Variants in AEBP2 observed in about 807,000 individuals in gnomAD.
AEBP2 encodes the protein AE binding protein 2, also known as zinc finger protein AEBP2.
Under a neutral mutation model 50.8 loss-of-function variants are expected in AEBP2, and 10 were observed. The ratio of observed to expected loss-of-function variants is 0.20; its 90% CI spans 0.12 to 0.33. The LOEUF (loss-of-function observed/expected upper bound fraction) is 0.33, where lower values mean the gene tolerates loss of function less well. Among genes scored for constraint, AEBP2 ranks in the 10% least tolerant of loss-of-function variants. The pLI is 1.00. For missense variants in AEBP2, 570 were observed against 688.0 expected, an observed-to-expected ratio of 0.83 and a Z score of 1.92; for synonymous variants, 296 against 261.3, an observed-to-expected ratio of 1.13 and a Z score of -1.28.
chr12:19,441,212 T>C (rs12229294), intron 1 of AEBP2, among the ~76,000 whole-genome samples: 3,402 of 152,178 alleles, frequency 0.022, 48 homozygotes, highest in East Asian at 0.042. Context: ...AAGGAATGAG[T>C]ATTATTTTTC....
intron 1 of AEBP2, among the ~76,000 whole-genome samples, chr12:19,452,248 C>T (rs1466659683): frequency 1.3e-5 from 2 of 152,194 alleles, no homozygotes; most frequent in African/African-American, 2.4e-5. Flanking sequence ...CTGCCTCGAC[C>T]TCCCAAAGTG....
chr12:19,434,310 G>A (rs545205093), intron 1 of AEBP2, among the ~76,000 whole-genome samples: 144 of 151,794 alleles, frequency 9.5e-4, no homozygotes, highest in Middle Eastern at 3.4e-3. Context: ...AGTAGCTGGG[G>A]TTACAGGCAT....
intron 3 of AEBP2, among the ~76,000 whole-genome samples, chr12:19,480,019 CTTG>C (rs1288087907): frequency 6.6e-6 from 1 of 151,680 alleles, no homozygotes; most frequent in African/African-American, 2.4e-5. Context: ...ATTCATCATG[CTTG>C]TTGTTGCCTT....
At position 19,519,951 on chromosome 12, in the gene AEBP2, AAAG is replaced by A. The variant is rs1189709307; in HGVS notation, c.*1837_*1839del. The A allele has an allele frequency of 3.3e-5, 5 of 152,646 alleles. No individual in the cohort carries two copies. In the East Asian group the frequency reaches 9.6e-4, roughly 29 times the overall value. 9.5% of individuals were successfully genotyped at this position (152,646 alleles called of 1,614,324 possible). On this transcript the variant is annotated 3_prime_UTR_variant, in exon 8 of 8. Transcript: ENST00000266508. ...TATAGCAATGTGATTTTATTTTTAAAAAGAAAAGCAGTGTGTTTTCTTTTTTTG... is the reference window on the plus strand; with the variant it reads ...TATAGCAATGTGATTTTATTTTTAAAAAAAGCAGTGTGTTTTCTTTTTTTG...
chr12:19,457,690 C>A, intron 1 of AEBP2: 1 of 1,194,584 alleles, frequency 8.4e-7, no homozygotes. Context: ...TGTGTTCTGG[C>A]GGCAAACCCA....
intron 1 of AEBP2, chr12:19,456,896 A>G: frequency 6.8e-7 from 1 of 1,463,174 alleles, no homozygotes; most frequent in Non-Finnish European, 9.6e-7. Flanking sequence ...AGAGGCAGGC[A>G]AAGGGGCTTG....
At chr12:19,451,108 A>G (rs1948159944) in intron 1 of AEBP2, among the ~76,000 whole-genome samples, 1 of 152,240 alleles carries the variant, frequency 6.6e-6, no homozygotes, top group South Asian at 2.1e-4. Flanking sequence ...GTTAATACAC[A>G]TCAAACATTG....
intron 1 of AEBP2, among the ~76,000 whole-genome samples, chr12:19,421,344 C>CAAAAAAAAAAAAA (rs375160231): frequency 1.2e-5 from 1 of 82,456 alleles, no homozygotes; most frequent in African/African-American, 4.7e-5. Flanking sequence ...GACTCTGTCT[C>CAAAAAAAAAAAAA]AAAAAAAAAA....
At chr12:19,513,291 C>T (rs1000084170) in intron 6 of AEBP2, among the ~76,000 whole-genome samples, 3 of 150,846 alleles carry the variant, frequency 2.0e-5, no homozygotes, top group Non-Finnish European at 3.0e-5. Context: ...GTTTTAGTGC[C>T]CATTTAGAGC....
At chr12:19,499,043 A>G (rs533556699) in intron 4 of AEBP2, among the ~76,000 whole-genome samples, 1 of 152,280 alleles carries the variant, frequency 6.6e-6, no homozygotes, top group African/African-American at 2.4e-5. Flanking sequence ...AACCAGTTAT[A>G]TAAGCTGATT....
At position 19,456,133 on chromosome 12, in the gene AEBP2, G is replaced by T. The variant is rs1948266476; in HGVS notation, c.672-6377G>T. On this transcript the variant is annotated intron_variant, in intron 1 of 7. Transcript: ENST00000266508. ...CCTTCTGAAGGTTTTACAATGCATTGTTGTAACCAGTCTTTTACTACTAAA... is the reference window on the plus strand; with the variant it reads ...CCTTCTGAAGGTTTTACAATGCATTTTTGTAACCAGTCTTTTACTACTAAA... 6 of 726,522 alleles carry T rather than the reference G, an allele frequency of 8.3e-6. No individual in the cohort carries two copies. In the Middle Eastern group the frequency reaches 1.3e-3, roughly 159 times the overall value. The allele number at this position is 726,522 out of a possible 1,614,324, so 45.0% of individuals were successfully genotyped here.
intron 2 of AEBP2, among the ~76,000 whole-genome samples, chr12:19,463,267 A>G (rs528745410): frequency 6.6e-6 from 1 of 152,236 alleles, no homozygotes; most frequent in Non-Finnish European, 1.5e-5. Context: ...TCAGGAATAC[A>G]TTTAATTGTG....
rs556015914 is a variant in AEBP2, at chr12:19,493,943, G to A, written c.1131G>A (p.Met377Ile). The change falls in exon 4 of 8, where the codon ATG (methionine) becomes ATA (isoleucine). Residue 377 changes from methionine to isoleucine, a missense_variant. By Grantham distance (10) the Met-to-Ile change is conservative (BLOSUM62 1). Around this residue, in one of 2 missense-constraint regions of AEBP2, gnomAD observed 184 missense variants for 351.2 expected, o/e 0.52. Coordinates refer to ENST00000266508, the MANE Select transcript of AEBP2 (RefSeq NM_153207.5). ...AKEESPSKAG[M>I]NKRRKLKNKR... ...AAGAATCTCCTTCTAAAGCTGGAAT[G>A]AACAAAAGGAGGAAATTAAAGAACA... is the stretch of plus-strand genomic sequence containing the variant. 3 of 1,612,460 alleles carry A rather than the reference G, an allele frequency of 1.9e-6. No homozygotes were observed. Among genetic ancestry groups the A allele is most frequent in the Non-Finnish European group, 2.5e-6 (3 of 1,179,180 alleles).
chr12:19,457,617 A>G, intron 1 of AEBP2: 5 of 1,470,116 alleles, frequency 3.4e-6, no homozygotes, highest in Non-Finnish European at 4.5e-6. Flanking sequence ...TCCAATGACG[A>G]CAATGTGGAT....
intron 1 of AEBP2, among the ~76,000 whole-genome samples, chr12:19,420,598 T>C (rs1043098920): frequency 2.0e-5 from 3 of 152,138 alleles, no homozygotes; most frequent in African/African-American, 7.2e-5. Context: ...AGTGCTGGGA[T>C]TACAGGCTTG....
chr12:19,499,185 C>T (rs1474044239), intron 4 of AEBP2, among the ~76,000 whole-genome samples: 8 of 152,084 alleles, frequency 5.3e-5, no homozygotes, highest in African/African-American at 1.9e-4. Context: ...GTAGTTTGCC[C>T]ACAGTCACAC....
chr12:19,515,828 A>C (rs1016606148), intron 7 of AEBP2, among the ~76,000 whole-genome samples: 3 of 152,156 alleles, frequency 2.0e-5, no homozygotes, highest in Admixed American at 1.3e-4. Flanking sequence ...GGCTGGGCCC[A>C]GTGGCTCATG....
At chr12:19,419,090 C>A in intron 1 of AEBP2, 1 of 165,412 alleles carries the variant, frequency 6.0e-6, no homozygotes. Context: ...TACAGGTTGA[C>A]TTGTGCTGTT....
intron 1 of AEBP2, among the ~76,000 whole-genome samples, chr12:19,427,442 T>C (rs1473907663): frequency 6.7e-6 from 1 of 149,350 alleles, no homozygotes; most frequent in Non-Finnish European, 1.5e-5. Context: ...AGGTGTGACA[T>C]GCATCTTCTC....
Sources: gnomAD v4.1 joint callset for allele counts (sites outside exome capture counted in the v4.1 genomes callset) on GRCh38, gnomAD v4.1.1 for gene constraint, gnomAD v4.1.1 regional missense constraint, MANE v1.5 for transcripts, NCBI Gene and HGNC (gene_info 2026-07-23, HGNC 2026-07-21) for gene names.